The following PKNOX2 variants were observed in gnomAD, a reference collection of about 807,000 sequenced individuals.
PKNOX2 encodes the protein PBX/knotted 1 homeobox 2.
PKNOX2 carries 14 observed loss-of-function variants against 53.1 expected under a neutral mutation model. That is an observed-to-expected ratio of 0.26 (90% CI 0.17 to 0.41). The LOEUF (loss-of-function observed/expected upper bound fraction) is 0.41, where lower values mean the gene tolerates loss of function less well. PKNOX2 is among the 10% of genes least tolerant of loss of function. The pLI, the probability that PKNOX2 is intolerant of heterozygous loss-of-function variation, is 1.00. For missense variants in PKNOX2, 496 were observed against 602.8 expected, an observed-to-expected ratio of 0.82 and a Z score of 1.85; for synonymous variants, 257 against 242.8, an observed-to-expected ratio of 1.06 and a Z score of -0.54.
chr11:125,346,751 A>G (rs1018753546), intron 3 of PKNOX2, among the ~76,000 whole-genome samples: 5 of 148,980 alleles, frequency 3.4e-5, no homozygotes, highest in African/African-American at 1.3e-4. Context: ...TATGGAAGGA[A>G]GGAAGGAAGG....
intron 5 of PKNOX2, among the ~76,000 whole-genome samples, chr11:125,371,238 CACA>C (rs1952521170): frequency 2.0e-5 from 3 of 152,066 alleles, no homozygotes; most frequent in African/African-American, 4.8e-5. Flanking sequence ...TGATTGGATG[CACA>C]TCGCGGGTAA....
chr11:125,242,267 C>T (rs748566923), intron 2 of PKNOX2, among the ~76,000 whole-genome samples: 4 of 152,286 alleles, frequency 2.6e-5, no homozygotes, highest in East Asian at 1.9e-4. Context: ...TGGTCTGTAA[C>T]GGGGCCCACT....
chr11:125,340,982 A>G (rs1030002678), intron 3 of PKNOX2, among the ~76,000 whole-genome samples: 2 of 148,846 alleles, frequency 1.3e-5, no homozygotes, highest in African/African-American at 5.0e-5. Context: ...CCCGGAAGGC[A>G]GAGGTTGCAG....
chr11:125,427,123 TAGGG>T (rs769023277), intron 10 of PKNOX2, among the ~76,000 whole-genome samples: 10 of 152,174 alleles, frequency 6.6e-5, no homozygotes, highest in Admixed American at 1.3e-4. Flanking sequence ...TTCCCACAAA[TAGGG>T]AGGTTGGAGC....
chr11:125,230,806 G>T (rs1332262131), intron 1 of PKNOX2, among the ~76,000 whole-genome samples: 1 of 152,140 alleles, frequency 6.6e-6, no homozygotes, highest in African/African-American at 2.4e-5. Flanking sequence ...GATGGTACAT[G>T]CACCATCTTA....
chr11:125,365,015 AG>A, intron 4 of PKNOX2, among the ~76,000 whole-genome samples: 1 of 152,150 alleles, frequency 6.6e-6, no homozygotes, highest in East Asian at 1.9e-4. Flanking sequence ...GGTATTGGAA[AG>A]GTATTATTTA....
At position 125,189,443 on chromosome 11, in the gene PKNOX2, GTGTGTATATATATATATATATA is replaced by G. The variant is rs1208874677; in HGVS notation, c.-201+24669_-201+24690del. Among the ~76,000 whole-genome samples the G allele has an allele frequency of 8.8e-5, 5 of 56,686 alleles. No homozygotes were observed. The East Asian group carries it at 2.6e-3, about 29-fold the overall frequency. 37.2% of individuals were successfully genotyped at this position (56,686 alleles called of 152,430 possible). A position where few individuals can be genotyped will look rare whatever the true frequency, so the allele number is the denominator to read the frequency against. On this transcript the variant is annotated intron_variant, in intron 1 of 12. Transcript: ENST00000298282. ...TGTGTGTGTGTGTGTGTGTGTGTGT[GTGTGTATATATATATATATATA>G]TATATATATATATATATATATATAT...
At chr11:125,174,507 TCTC>T (rs1214053567) in intron 1 of PKNOX2, among the ~76,000 whole-genome samples, 1 of 152,188 alleles carries the variant, frequency 6.6e-6, no homozygotes, top group African/African-American at 2.4e-5. Flanking sequence ...TCAAGTCTAT[TCTC>T]CTACGACTGT....
chr11:125,303,415 C>G (rs1172783272), intron 2 of PKNOX2, among the ~76,000 whole-genome samples: 1 of 152,158 alleles, frequency 6.6e-6, no homozygotes, highest in Non-Finnish European at 1.5e-5. Flanking sequence ...CTGGTCACAG[C>G]CCCAGCCCCC....
intron 2 of PKNOX2, among the ~76,000 whole-genome samples, chr11:125,247,388 G>A (rs1020977227): frequency 6.6e-6 from 1 of 152,076 alleles, no homozygotes; most frequent in African/African-American, 2.4e-5. Context: ...CTCACCCTGG[G>A]TTTCTATACT....
chr11:125,331,549 A>G (rs73621095), intron 2 of PKNOX2: 10,554 of 152,222 alleles, frequency 0.069, 903 homozygotes, highest in African/African-American at 0.2. Flanking sequence ...GGCCGCAGGC[A>G]CTCCTGGTTC....
At chr11:125,228,191 C>T (rs755599854) in intron 1 of PKNOX2, among the ~76,000 whole-genome samples, 1 of 152,192 alleles carries the variant, frequency 6.6e-6, no homozygotes, top group African/African-American at 2.4e-5. Context: ...CCATCTGAGC[C>T]GTCCAGTATG....
At chr11:125,229,108 G>T (rs948354301) in intron 1 of PKNOX2, among the ~76,000 whole-genome samples, 21 of 152,308 alleles carry the variant, frequency 1.4e-4, no homozygotes, top group African/African-American at 5.1e-4. Context: ...TGGGAGCGGT[G>T]TTGGCATTTC....
intron 2 of PKNOX2, among the ~76,000 whole-genome samples, chr11:125,285,551 G>A (rs1946842947): frequency 1.3e-5 from 2 of 152,266 alleles, no homozygotes; most frequent in African/African-American, 4.8e-5. Context: ...GATTTGCTAT[G>A]AGGCTTAACT....
chr11:125,325,253 A>C lies in PKNOX2; in HGVS notation c.-129-6566A>C, dbSNP rs1291597651. On this transcript the variant is annotated intron_variant, in intron 2 of 12. Transcript: ENST00000298282. Reference sequence around the variant, plus strand: ...TTCCTGCTTATCCGTTCTTTCCCTCATTTAATAGATGCACGTTGATCCTGA... The same window carrying C: ...TTCCTGCTTATCCGTTCTTTCCCTCCTTTAATAGATGCACGTTGATCCTGA... Among the ~76,000 whole-genome samples the C allele has an allele frequency of 2.0e-5, 3 of 152,110 alleles. No individual in the cohort carries two copies. The South Asian group carries it at 6.2e-4, about 32-fold the overall frequency.
At chr11:125,211,277 G>A (rs1939814312) in intron 1 of PKNOX2, among the ~76,000 whole-genome samples, 4 of 152,000 alleles carry the variant, frequency 2.6e-5, no homozygotes, top group African/African-American at 9.7e-5. Context: ...TTCTCAATCT[G>A]GAACATTACC....
intron 2 of PKNOX2, among the ~76,000 whole-genome samples, chr11:125,255,329 C>A (rs10893360): frequency 0.24 from 36,119 of 152,130 alleles, 5,452 homozygotes; most frequent in Non-Finnish European, 0.33. Context: ...CCTCATTTCC[C>A]TGAGCTCTAG....
chr11:125,374,577 G>A (rs1326971235), intron 5 of PKNOX2, among the ~76,000 whole-genome samples: 2 of 152,192 alleles, frequency 1.3e-5, no homozygotes, highest in East Asian at 1.9e-4. Context: ...GCCCAGCCTT[G>A]CAACTGATGC....
chr11:125,245,612 C>A (rs1943501623), intron 2 of PKNOX2, among the ~76,000 whole-genome samples: 1 of 152,202 alleles, frequency 6.6e-6, no homozygotes, highest in Non-Finnish European at 1.5e-5. Flanking sequence ...TAGCCTGCCC[C>A]CATTAGGATG....
Sources: gnomAD v4.1 joint callset for allele counts (sites outside exome capture counted in the v4.1 genomes callset) on GRCh38, gnomAD v4.1.1 for gene constraint, MANE v1.5 for transcripts, NCBI Gene and HGNC (gene_info 2026-07-23, HGNC 2026-07-21) for gene names.